MGMT: variants seen among roughly 807,000 people sequenced by gnomAD.
MGMT encodes the protein O-6-methylguanine-DNA methyltransferase.
MGMT carries 14 observed loss-of-function variants against 15.9 expected under a neutral mutation model. That is an observed-to-expected ratio of 0.88 (90% CI 0.58 to 1.37). The LOEUF is 1.37. Ranked by LOEUF, MGMT falls within the 40% of genes most tolerant of loss-of-function variation. MGMT has a pLI of 0.00. For missense variants in MGMT, 282 were observed against 268.1 expected, an observed-to-expected ratio of 1.05 and a Z score of -0.36; for synonymous variants, 130 against 118.2, an observed-to-expected ratio of 1.10 and a Z score of -0.65.
In MGMT at chr10:129,744,241, C is replaced by A. The variant is rs80017547; in HGVS notation, c.275-14961C>A. Among the ~76,000 whole-genome samples, 1,387 of 152,248 alleles carry A rather than the reference C, an allele frequency of 9.1e-3. 21 individuals are homozygous for A. Among genetic ancestry groups the A allele is most frequent in the African/African-American group, 0.032 (1,333 of 41,546 alleles). ...CTGGCAAGCCCAGAGAACCCCACTG[C>A]TGAGTCTCTACACAAGGCATTGGAC... On this transcript the variant is annotated intron_variant, in intron 3 of 4. Transcript: ENST00000651593.
At chr10:129,627,580 C>A (rs181830113) in intron 2 of MGMT, among the ~76,000 whole-genome samples, 9 of 152,246 alleles carry the variant, frequency 5.9e-5, no homozygotes, top group African/African-American at 1.9e-4. Context: ...GAATATGAGA[C>A]CTGTGCACTG....
chr10:129,687,846 C>CT (rs1847924644), intron 2 of MGMT, among the ~76,000 whole-genome samples: 3 of 151,972 alleles, frequency 2.0e-5, no homozygotes, highest in Non-Finnish European at 4.4e-5. Flanking sequence ...ATCCCTCCCC[C>CT]AGCCCCCCAC....
intron 1 of MGMT, among the ~76,000 whole-genome samples, chr10:129,525,857 G>T (rs980877731): frequency 6.6e-6 from 1 of 152,206 alleles, no homozygotes; most frequent in African/African-American, 2.4e-5. Context: ...ACAAACAGGA[G>T]TGTTTCCCTT....
intron 3 of MGMT, among the ~76,000 whole-genome samples, chr10:129,713,956 C>T (rs1312128060): frequency 6.6e-6 from 1 of 152,218 alleles, no homozygotes; most frequent in Non-Finnish European, 1.5e-5. Flanking sequence ...GAGTGGGCTC[C>T]CGTCACCCGT....
At chr10:129,478,233 ATT>A (rs11331521) in intron 1 of MGMT, among the ~76,000 whole-genome samples, 1 of 152,110 alleles carries the variant, frequency 6.6e-6, no homozygotes, top group Non-Finnish European at 1.5e-5. Flanking sequence ...TGGTTGGTTG[ATT>A]TTTTCCCCCC....
At chr10:129,599,584 T>C (rs1012979688) in intron 2 of MGMT, among the ~76,000 whole-genome samples, 2 of 152,172 alleles carry the variant, frequency 1.3e-5, no homozygotes, top group African/African-American at 2.4e-5. Flanking sequence ...TTCCAACCAT[T>C]GTCCTTCCCC....
chr10:129,523,283 G>C (rs1021547849), intron 1 of MGMT, among the ~76,000 whole-genome samples: 1 of 152,278 alleles, frequency 6.6e-6, no homozygotes, highest in East Asian at 1.9e-4. Flanking sequence ...CCACACGGCC[G>C]GGGCAGCTTC....
Position 129,709,499 on chromosome 10 carries a change from G to A in MGMT, c.274+1456G>A, listed in dbSNP as rs970331831. Among the ~76,000 whole-genome samples the A allele has an allele frequency of 4.6e-5, 7 of 152,142 alleles. No homozygotes were observed. The East Asian group carries it at 9.6e-4, about 21-fold the overall frequency. ...CTATACGATCTCTTTTTGGGGGTTCGCCTGCCAGGAGGAGCAAGGCTGAAG... is the reference window on the plus strand; with the variant it reads ...CTATACGATCTCTTTTTGGGGGTTCACCTGCCAGGAGGAGCAAGGCTGAAG... On this transcript the variant is annotated intron_variant, in intron 3 of 4. Transcript: ENST00000651593.
At chr10:129,671,062 A>C (rs563529796) in intron 2 of MGMT, among the ~76,000 whole-genome samples, 1 of 152,302 alleles carries the variant, frequency 6.6e-6, no homozygotes, top group Non-Finnish European at 1.5e-5. Flanking sequence ...AGCAAGCTGA[A>C]GCCAGCCAGC....
chr10:129,590,571 A>G (rs980023845), intron 2 of MGMT, among the ~76,000 whole-genome samples: 2 of 152,236 alleles, frequency 1.3e-5, no homozygotes, highest in East Asian at 1.9e-4. Flanking sequence ...GAAAGTATGA[A>G]TCTTATTTTT....
chr10:129,621,248 G>A (rs906161317), intron 2 of MGMT, among the ~76,000 whole-genome samples: 2 of 152,138 alleles, frequency 1.3e-5, no homozygotes, highest in Non-Finnish European at 2.9e-5. Flanking sequence ...GTTCTGTGAC[G>A]TCACATGCAA....
rs41553133 is a variant in MGMT at position 129,536,616 on chromosome 10, C to T, written c.125+239C>T. 1,165 of 435,288 alleles carry T rather than the reference C, an allele frequency of 2.7e-3. 5 individuals are homozygous for T. The highest frequency in any genetic ancestry group is 3.9e-3 in the Non-Finnish European group (966 of 249,710). The allele number at this position is 435,288 out of a possible 1,614,324, so 27.0% of individuals were successfully genotyped here. A position where few individuals can be genotyped will look rare whatever the true frequency, so the allele number is the denominator to read the frequency against. On this transcript the variant is annotated intron_variant, in intron 2 of 4. Transcript: ENST00000651593. ...GAACCCAGGGCCGTTCCCTTCATAC[C>T]CTTTCATTAGTAGCTCTAAGATGTT...
intron 2 of MGMT, among the ~76,000 whole-genome samples, chr10:129,650,525 A>G (rs995876612): frequency 2.0e-5 from 3 of 152,152 alleles, no homozygotes; most frequent in Non-Finnish European, 2.9e-5. Flanking sequence ...ATGCGCATGA[A>G]CGGAGAAAAC....
chr10:129,712,118 T>A (rs1836324359), intron 3 of MGMT, among the ~76,000 whole-genome samples: 1 of 152,194 alleles, frequency 6.6e-6, no homozygotes, highest in Non-Finnish European at 1.5e-5. Flanking sequence ...AGAACCCATC[T>A]GGGCACGTCC....
Position 129,469,957 on chromosome 10 carries a change from C to G in MGMT, c.-13+2661C>G, listed in dbSNP as rs534551747. 2.0e-5 allele frequency among the ~76,000 whole-genome samples: 3 copies of G among 152,196 alleles called. No individual in the cohort carries two copies. The East Asian group carries it at 5.8e-4, about 29-fold the overall frequency. On this transcript the variant is annotated intron_variant, in intron 1 of 4. Transcript: ENST00000651593. ...GAACTCCTGGACTCAAGTGATCTTC[C>G]CTCCTAGGCCTCCCAAAGTGCTGGA...
chr10:129,759,384 G>A (rs377566544), intron 4 of MGMT, 43 bp downstream of exon 4: 75 of 1,612,660 alleles, frequency 4.7e-5, no homozygotes, highest in African/African-American at 3.3e-4. Flanking sequence ...TGGCGGGTGC[G>A]TGCAGGTGGC....
intron 3 of MGMT, among the ~76,000 whole-genome samples, chr10:129,710,163 G>C (rs1269842974): frequency 1.3e-5 from 2 of 152,168 alleles, no homozygotes; most frequent in East Asian, 3.9e-4. Context: ...GGCAGGTCAT[G>C]ATAGGTCTTG....
rs764094328 is a variant in MGMT, at chr10:129,746,417, CAT to C, written c.275-12781_275-12780del. On this transcript the variant is annotated intron_variant, in intron 3 of 4. Transcript: ENST00000651593. Reference sequence around the variant, plus strand: ...CTAACCCCAGGTCATGAAGATTTGTCATATAGTTTCTTTTTTTTTTTAGTTTA... The same window carrying C: ...CTAACCCCAGGTCATGAAGATTTGTCATAGTTTCTTTTTTTTTTTAGTTTA... Among the ~76,000 whole-genome samples, 19 of 150,924 alleles carry C rather than the reference CAT, an allele frequency of 1.3e-4. 1 individual carries two copies. The highest frequency in any genetic ancestry group is 3.3e-4 in the Admixed American group (5 of 15,192).
At chr10:129,570,533 T>C (rs762454454) in intron 2 of MGMT, among the ~76,000 whole-genome samples, 2 of 152,270 alleles carry the variant, frequency 1.3e-5, no homozygotes, top group Non-Finnish European at 1.5e-5. Flanking sequence ...AGTGAACTTA[T>C]CAAAACTGGT....
Sources: gnomAD v4.1 joint callset for allele counts (sites outside exome capture counted in the v4.1 genomes callset) on GRCh38, gnomAD v4.1.1 for gene constraint, MANE v1.5 for transcripts, NCBI Gene and HGNC (gene_info 2026-07-23, HGNC 2026-07-21) for gene names.